TDRD7: variants seen among roughly 807,000 people sequenced by gnomAD.
TDRD7 encodes tudor domain-containing protein 7.
TDRD7 carries 47 observed loss-of-function variants against 109.8 expected under a neutral mutation model. That is an observed-to-expected ratio of 0.43 (90% CI 0.34 to 0.55). The LOEUF is 0.55. TDRD7 is among the 20% of genes least tolerant of loss of function. TDRD7 has a pLI of 0.03. For synonymous variants in TDRD7, 424 were observed against 457.3 expected, an observed-to-expected ratio of 0.93 and a Z score of 0.93; for missense variants, 1,164 against 1,319.2, an observed-to-expected ratio of 0.88 and a Z score of 1.82.
intron 1 of TDRD7, among the ~76,000 whole-genome samples, chr9:97,413,237 C>T (rs1400526143): frequency 2.0e-5 from 3 of 152,158 alleles, no homozygotes; most frequent in African/African-American, 7.2e-5. Context: ...GACCCAAATC[C>T]CTGTCTCGTC....
At chr9:97,454,038 A>C (rs1400961411) in intron 6 of TDRD7, among the ~76,000 whole-genome samples, 1 of 152,218 alleles carries the variant, frequency 6.6e-6, no homozygotes. Flanking sequence ...GCTCTGGATC[A>C]AGTGGACCTA....
At chr9:97,428,259 G>A (rs532012125) in intron 1 of TDRD7, among the ~76,000 whole-genome samples, 122 of 152,248 alleles carry the variant, frequency 8.0e-4, no homozygotes, top group African/African-American at 2.9e-3. Context: ...TCTTCAGGCT[G>A]GTCTTGTGCC....
chr9:97,480,964 C>T lies in TDRD7; in HGVS notation c.2412+26C>T, dbSNP rs760540616. ...GTTAGCTATCTTGTTGGGCCTGATA[C>T]ATTTAGAAAGGGAGCTGGCAGCTGT... On this transcript the variant is annotated intron_variant, in intron 14 of 16. Coordinates refer to ENST00000355295, the MANE Select transcript of TDRD7 (RefSeq NM_014290.3). The T allele has an allele frequency of 1.6e-5, 25 of 1,593,748 alleles. No homozygotes were observed. In the African/African-American group the frequency reaches 2.3e-4, roughly 15 times the overall value.
At chr9:97,492,281 C>G (rs1587899035) in intron 16 of TDRD7, among the ~76,000 whole-genome samples, 2 of 152,222 alleles carry the variant, frequency 1.3e-5, no homozygotes, top group South Asian at 2.1e-4. Flanking sequence ...TCATTGAACT[C>G]TCCCCATGCT....
chr9:97,481,304 CTATT>C (rs776286074), intron 14 of TDRD7, among the ~76,000 whole-genome samples: 11 of 152,170 alleles, frequency 7.2e-5, no homozygotes, highest in Non-Finnish European at 1.3e-4. Flanking sequence ...AATAAGTCCT[CTATT>C]TCTTTTTTAT....
chr9:97,441,553 A>T lies in TDRD7; in HGVS notation c.638-105A>T, dbSNP rs985975427. ...CTCCCTTCTAAGTCCTTTGGCTACCACAAGCCCACACTATAGCAAAACCTG... is the reference window on the plus strand; with the variant it reads ...CTCCCTTCTAAGTCCTTTGGCTACCTCAAGCCCACACTATAGCAAAACCTG... On this transcript the variant is annotated intron_variant, in intron 5 of 16. Transcript: ENST00000355295. 16 of 1,038,700 alleles carry T rather than the reference A, an allele frequency of 1.5e-5. No individual in the cohort carries two copies. The Middle Eastern group carries it at 2.4e-3, about 155-fold the overall frequency. 64.3% of individuals were successfully genotyped at this position (1,038,700 alleles called of 1,614,324 possible). A position where few individuals can be genotyped will look rare whatever the true frequency, so the allele number is the denominator to read the frequency against.
intron 7 of TDRD7, 49 bp from the exon 8 acceptor site, chr9:97,464,793 T>C (rs767560140): frequency 2.1e-5 from 34 of 1,608,260 alleles, no homozygotes; most frequent in Non-Finnish European, 2.7e-5. Flanking sequence ...CTATTGCTTT[T>C]CTTCTTCTAG....
chr9:97,445,228 CT>C, intron 6 of TDRD7, among the ~76,000 whole-genome samples: 1 of 152,180 alleles, frequency 6.6e-6, no homozygotes, highest in East Asian at 1.9e-4. Context: ...ACAGCAACAC[CT>C]CTTGGCTGTT....
At chr9:97,484,893 G>A (rs1476875367) in intron 15 of TDRD7, among the ~76,000 whole-genome samples, 1 of 152,184 alleles carries the variant, frequency 6.6e-6, no homozygotes, top group Non-Finnish European at 1.5e-5. Context: ...GTAGGAAGGA[G>A]AACACATCAA....
At chr9:97,457,488 C>T (rs1828639291) in intron 6 of TDRD7, among the ~76,000 whole-genome samples, 1 of 152,116 alleles carries the variant, frequency 6.6e-6, no homozygotes, top group African/African-American at 2.4e-5. Flanking sequence ...AAGTGATTCT[C>T]TTGCATCAGC....
intron 6 of TDRD7, among the ~76,000 whole-genome samples, chr9:97,459,161 T>G (rs1186479944): frequency 2.0e-5 from 3 of 152,188 alleles, no homozygotes; most frequent in Admixed American, 6.5e-5. Context: ...TGGTAAATGT[T>G]TAGGCTCTGC....
chr9:97,421,008 G>T (rs549203856), intron 1 of TDRD7, among the ~76,000 whole-genome samples: 2 of 152,132 alleles, frequency 1.3e-5, no homozygotes, highest in South Asian at 2.1e-4. Context: ...GGTGGTGTGT[G>T]CCTGTAGTCC....
chr9:97,486,277 A>G (rs1014827375), intron 15 of TDRD7, among the ~76,000 whole-genome samples: 1 of 152,188 alleles, frequency 6.6e-6, no homozygotes, highest in Non-Finnish European at 1.5e-5. Flanking sequence ...TCCTTCATGT[A>G]GTAATACTTT....
At chr9:97,494,726 C>CGA (rs5899309) in intron 16 of TDRD7, among the ~76,000 whole-genome samples, 101,315 of 138,726 alleles carry the variant, frequency 0.73, 36,361 homozygotes, top group Admixed American at 0.81. Flanking sequence ...TTTTTTTTTT[C>CGA]GAGAGGGTCT....
At chr9:97,418,051 G>A (rs1827838930) in intron 1 of TDRD7, among the ~76,000 whole-genome samples, 1 of 152,204 alleles carries the variant, frequency 6.6e-6, no homozygotes, top group Admixed American at 6.5e-5. Flanking sequence ...CTTCAACCTA[G>A]GAGGCAGAGG....
chr9:97,474,628 GA>G (rs959281819), intron 11 of TDRD7, among the ~76,000 whole-genome samples: 3 of 152,174 alleles, frequency 2.0e-5, no homozygotes, highest in African/African-American at 7.2e-5. Context: ...CTGTGTTACA[GA>G]GGTTTAATTT....
intron 15 of TDRD7, among the ~76,000 whole-genome samples, chr9:97,484,722 A>G (rs1427491373): frequency 2.0e-5 from 3 of 152,364 alleles, no homozygotes; most frequent in East Asian, 1.9e-4. Flanking sequence ...TGTGTTATTT[A>G]TAACCACAAG....
chr9:97,481,410 T>C (rs1829112278), intron 14 of TDRD7, among the ~76,000 whole-genome samples: 1 of 152,226 alleles, frequency 6.6e-6, no homozygotes, highest in South Asian at 2.1e-4. Context: ...CTGCCATACT[T>C]ATTTCACTAG....
intron 9 of TDRD7, 73 bp from the exon 10 acceptor site, chr9:97,472,220 G>GAC: frequency 7.5e-7 from 1 of 1,334,882 alleles, no homozygotes; most frequent in Non-Finnish European, 1.1e-6. Context: ...GGTCAAAACA[G>GAC]ACACAATCCA....
Sources: gnomAD v4.1 joint callset for allele counts (sites outside exome capture counted in the v4.1 genomes callset) on GRCh38, gnomAD v4.1.1 for gene constraint, MANE v1.5 for transcripts, NCBI Gene and HGNC (gene_info 2026-07-23, HGNC 2026-07-21) for gene names.